LRRC4C: variants seen among roughly 807,000 people sequenced by gnomAD.
LRRC4C encodes leucine rich repeat containing 4C, also known as leucine-rich repeat-containing protein 4C.
In LRRC4C, 5 loss-of-function variants were observed where a neutral mutation model predicts 33.6. That is an observed-to-expected ratio of 0.15 (90% CI 0.08 to 0.31). The LOEUF (loss-of-function observed/expected upper bound fraction) is 0.31. Ranked by LOEUF, LRRC4C falls within the 10% of genes least tolerant of loss-of-function variation. The probability of loss-of-function intolerance (pLI) is 1.00; values close to 1 mark genes in which losing one functional copy is unlikely to be tolerated. For missense variants in LRRC4C, 560 were observed against 796.7 expected (o/e 0.70, Z 3.58); for synonymous variants, 329 against 302.0 (o/e 1.09, Z -0.93).
At chr11:41,280,102 G>A (rs1320226181) in intron 1 of LRRC4C, among the ~76,000 whole-genome samples, 1 of 152,108 alleles carries the variant, frequency 6.6e-6, no homozygotes, top group Non-Finnish European at 1.5e-5. Context: ...CTCTGGAAAA[G>A]CAAGAATTGT....
chr11:40,455,001 A>G (rs1419855822), intron 3 of LRRC4C, among the ~76,000 whole-genome samples: 1 of 152,162 alleles, frequency 6.6e-6, no homozygotes, highest in African/African-American at 2.4e-5. Context: ...CACGTCAGAA[A>G]TAGCCCAAAG....
intron 2 of LRRC4C, among the ~76,000 whole-genome samples, chr11:40,858,238 A>G (rs1228380967): frequency 1.3e-5 from 2 of 152,198 alleles, no homozygotes; most frequent in African/African-American, 2.4e-5. Context: ...ACAAAGTTTC[A>G]CTGGACGTAA....
chr11:40,141,392 C>T (rs1857356286), intron 5 of LRRC4C, among the ~76,000 whole-genome samples: 1 of 152,158 alleles, frequency 6.6e-6, no homozygotes, highest in South Asian at 2.1e-4. Flanking sequence ...ACTCCTGTGG[C>T]ACTGACAGAA....
chr11:40,829,228 T>C (rs1952301228), intron 2 of LRRC4C, among the ~76,000 whole-genome samples: 1 of 152,022 alleles, frequency 6.6e-6, no homozygotes. Flanking sequence ...TCACTGCCTA[T>C]GATATTGAGG....
intron 3 of LRRC4C, among the ~76,000 whole-genome samples, chr11:40,539,823 G>A (rs961406131): frequency 3.9e-5 from 6 of 152,102 alleles, no homozygotes; most frequent in Non-Finnish European, 7.4e-5. Context: ...AGTGAGTTTT[G>A]TGGAAAAGTA....
intron 3 of LRRC4C, among the ~76,000 whole-genome samples, chr11:40,474,950 C>T (rs1019061760): frequency 6.6e-6 from 1 of 152,108 alleles, no homozygotes; most frequent in African/African-American, 2.4e-5. Context: ...TGTCAGGAAA[C>T]AACAGATACT....
At chr11:40,829,661 GAAAGA>G (rs1952322797) in intron 2 of LRRC4C, among the ~76,000 whole-genome samples, 1 of 151,934 alleles carries the variant, frequency 6.6e-6, no homozygotes, top group Non-Finnish European at 1.5e-5. Flanking sequence ...CTGTGCTGTA[GAAAGA>G]AAAGTAAAAA....
intron 1 of LRRC4C, among the ~76,000 whole-genome samples, chr11:40,935,983 GTACTAAAAAC>G (rs1197840569): frequency 8.1e-6 from 1 of 124,180 alleles, no homozygotes; most frequent in Non-Finnish European, 1.7e-5. Flanking sequence ...TGTGATGAGA[GTACTAAAAAC>G]TACTAAAAAG....
intron 1 of LRRC4C, among the ~76,000 whole-genome samples, chr11:41,172,844 T>A (rs1447093039): frequency 6.6e-6 from 1 of 152,164 alleles, no homozygotes; most frequent in African/African-American, 2.4e-5. Context: ...AAATTAAGAA[T>A]TCTTAATGTA....
At chr11:40,592,750 A>T (rs1386890680) in intron 3 of LRRC4C, among the ~76,000 whole-genome samples, 1 of 152,192 alleles carries the variant, frequency 6.6e-6, no homozygotes. Flanking sequence ...CCACTCTGGC[A>T]TGCACAGACT....
intron 1 of LRRC4C, among the ~76,000 whole-genome samples, chr11:41,359,622 T>C (rs1369900863): frequency 1.3e-5 from 2 of 152,304 alleles, no homozygotes; most frequent in East Asian, 3.9e-4. Flanking sequence ...AAAATTGTAA[T>C]GCAAATGAGG....
At chr11:40,488,557 T>C (rs16934887) in intron 3 of LRRC4C, among the ~76,000 whole-genome samples, 2,441 of 152,248 alleles carry the variant, frequency 0.016, 69 homozygotes, top group African/African-American at 0.054. Context: ...CCTTGTCTAG[T>C]ATTTTATTCC....
chr11:40,301,336 T>A (rs1029071180), intron 4 of LRRC4C, among the ~76,000 whole-genome samples: 1 of 152,218 alleles, frequency 6.6e-6, no homozygotes, highest in Non-Finnish European at 1.5e-5. Context: ...GGAGAAGGTA[T>A]GTGTGCATAG....
chr11:40,671,893 A>G (rs1944141863), intron 2 of LRRC4C, among the ~76,000 whole-genome samples: 1 of 151,856 alleles, frequency 6.6e-6, no homozygotes, highest in South Asian at 2.1e-4. Flanking sequence ...TTTTTCAAAA[A>G]CGAGATTTTG....
At chr11:40,649,310 C>A (rs899326805) in intron 2 of LRRC4C, among the ~76,000 whole-genome samples, 1 of 152,070 alleles carries the variant, frequency 6.6e-6, no homozygotes, top group East Asian at 1.9e-4. Flanking sequence ...TTATAGACCT[C>A]CCCCCAAGAA....
intron 4 of LRRC4C, among the ~76,000 whole-genome samples, chr11:40,268,055 C>T (rs1169029934): frequency 6.6e-6 from 1 of 152,178 alleles, no homozygotes; most frequent in African/African-American, 2.4e-5. Context: ...GAATGGCGTA[C>T]AGCTCCCGAG....
At chr11:40,888,338 T>C (rs1263902313) in intron 2 of LRRC4C, among the ~76,000 whole-genome samples, 1 of 151,954 alleles carries the variant, frequency 6.6e-6, no homozygotes, top group Non-Finnish European at 1.5e-5. Context: ...TAAAATCTTG[T>C]TCATTTGTTT....
chr11:40,221,488 GT>G (rs1304903350), intron 5 of LRRC4C, among the ~76,000 whole-genome samples: 2 of 152,082 alleles, frequency 1.3e-5, no homozygotes, highest in African/African-American at 4.8e-5. Flanking sequence ...TCACATTTGG[GT>G]TTAGATACCA....
intron 1 of LRRC4C, among the ~76,000 whole-genome samples, chr11:41,144,100 A>G (rs748257153): frequency 5.3e-5 from 8 of 152,190 alleles, no homozygotes; most frequent in Non-Finnish European, 8.8e-5. Context: ...CTCACCCATT[A>G]TCTTATTGAA....
Sources: gnomAD v4.1 joint callset for allele counts (sites outside exome capture counted in the v4.1 genomes callset) on GRCh38, gnomAD v4.1.1 for gene constraint, MANE v1.5 for transcripts, NCBI Gene and HGNC (gene_info 2026-07-23, HGNC 2026-07-21) for gene names.